The following GRIK4 variants were observed in gnomAD, a reference collection of about 807,000 sequenced individuals.
The protein encoded by GRIK4 is glutamate ionotropic receptor kainate type subunit 4.
A neutral mutation model predicts 104.9 loss-of-function variants in GRIK4; 40 were observed. That is an observed-to-expected ratio of 0.38 (90% CI 0.30 to 0.50). The LOEUF (loss-of-function observed/expected upper bound fraction) is 0.50, where lower values mean the gene tolerates loss of function less well. Ranked by LOEUF, GRIK4 falls within the 20% of genes least tolerant of loss-of-function variation. GRIK4 has a pLI of 0.93. For synonymous variants in GRIK4, 485 were observed against 524.9 expected (o/e 0.92, Z 1.04); for missense variants, 1,047 against 1,308.1 (o/e 0.80, Z 3.08).
intron 3 of GRIK4, among the ~76,000 whole-genome samples, chr11:120,718,050 A>G (rs1309046512): frequency 6.6e-6 from 1 of 152,182 alleles, no homozygotes; most frequent in Non-Finnish European, 1.5e-5. Context: ...CTGTCTAGAC[A>G]CAACACCTGA....
intron 3 of GRIK4, among the ~76,000 whole-genome samples, chr11:120,731,177 T>C (rs1281404163): frequency 6.6e-6 from 1 of 152,136 alleles, no homozygotes; most frequent in African/African-American, 2.4e-5. Context: ...TTTTCTCCCT[T>C]CAGCATGATA....
At chr11:120,944,788 C>T (rs755511540) in intron 14 of GRIK4, among the ~76,000 whole-genome samples, 6 of 152,174 alleles carry the variant, frequency 3.9e-5, no homozygotes, top group Non-Finnish European at 8.8e-5. Flanking sequence ...TGGGTTTATT[C>T]CCAGCTTTTA....
intron 3 of GRIK4, among the ~76,000 whole-genome samples, chr11:120,792,551 A>G (rs939741405): frequency 1.3e-5 from 2 of 152,112 alleles, no homozygotes; most frequent in South Asian, 2.1e-4. Context: ...AGTCGTTGAG[A>G]TGAAAGGACC....
intron 13 of GRIK4, among the ~76,000 whole-genome samples, chr11:120,937,683 G>C (rs948895136): frequency 1.3e-5 from 2 of 152,206 alleles, no homozygotes; most frequent in Admixed American, 6.5e-5. Flanking sequence ...TGAGTAGACA[G>C]AAATGCTCTG....
At position 120,974,539 on chromosome 11, in the gene GRIK4, T is replaced by C. The variant is rs550050304; in HGVS notation, c.2395+7216T>C. Among the ~76,000 whole-genome samples the C allele has an allele frequency of 2.6e-5, 4 of 152,336 alleles. No individual in the cohort carries two copies. In the East Asian group the frequency reaches 5.8e-4, roughly 22 times the overall value. ...TTCTACTTTGTTATCCTATTAAAAT[T>C]CGAGAAATTTCAAAGAAAAGGAACT... On this transcript the variant is annotated intron_variant, in intron 19 of 20. Transcript: ENST00000527524.
At chr11:120,977,146 C>T (rs1944574728) in intron 19 of GRIK4, among the ~76,000 whole-genome samples, 1 of 152,190 alleles carries the variant, frequency 6.6e-6, no homozygotes, top group East Asian at 1.9e-4. Flanking sequence ...AGTATTTAGC[C>T]AACCAGGAGT....
At chr11:120,753,928 A>C (rs920613199) in intron 3 of GRIK4, among the ~76,000 whole-genome samples, 1 of 152,182 alleles carries the variant, frequency 6.6e-6, no homozygotes, top group East Asian at 1.9e-4. Flanking sequence ...CACCCCAAGA[A>C]GAAAGCCCAT....
At chr11:120,792,462 G>T (rs1439906135) in intron 3 of GRIK4, among the ~76,000 whole-genome samples, 1 of 152,074 alleles carries the variant, frequency 6.6e-6, no homozygotes. Flanking sequence ...GAGAGGGTGT[G>T]GTTGAGGAGC....
intron 1 of GRIK4, among the ~76,000 whole-genome samples, chr11:120,583,837 A>G (rs1948621248): frequency 1.3e-5 from 2 of 152,350 alleles, no homozygotes; most frequent in Non-Finnish European, 2.9e-5. Context: ...GAGTCTTTCT[A>G]TTCATGAACA....
intron 8 of GRIK4, among the ~76,000 whole-genome samples, chr11:120,854,978 G>T (rs1437676446): frequency 6.6e-6 from 1 of 152,130 alleles, no homozygotes; most frequent in Non-Finnish European, 1.5e-5. Context: ...CTCTCTCCAG[G>T]ACAGTTATTC....
intron 3 of GRIK4, among the ~76,000 whole-genome samples, chr11:120,797,752 C>T (rs1197835538): frequency 6.6e-6 from 1 of 152,172 alleles, no homozygotes; most frequent in African/African-American, 2.4e-5. Context: ...TTGGCAATGA[C>T]CTGCCTAATA....
rs1039143944 is a variant in GRIK4 at position 120,967,123 on chromosome 11, G to A, written c.2267-72G>A. 86 of 1,517,416 alleles carry A rather than the reference G, an allele frequency of 5.7e-5. No homozygotes were observed. In the Admixed American group the frequency reaches 1.3e-3, roughly 22 times the overall value. 94.0% of individuals were successfully genotyped at this position (1,517,416 alleles called of 1,614,324 possible). On this transcript the variant is annotated intron_variant, in intron 18 of 20. Coordinates refer to ENST00000527524, the MANE Select transcript of GRIK4 (RefSeq NM_014619.5). This position sits in a 1 kb window ranked among gnomAD's most constrained non-coding sequence, Gnocchi z 4.2. ...GGCAGGGTGGCCAGGAGGTGTGCCG[G>A]GAAGGGGAGCAGAGTGACACCTAAC...
Position 120,629,884 on chromosome 11 carries a change from T to A in GRIK4, c.-158-23801T>A, listed in dbSNP as rs1458925064. 2.6e-5 allele frequency among the ~76,000 whole-genome samples: 4 copies of A among 152,182 alleles called. No individual in the cohort carries two copies. In the East Asian group the frequency reaches 7.7e-4, roughly 29 times the overall value. ...TTTTGTCTGCACCAGGGCAGGGGCC[T>A]CTCTGCTGACGGGGCCTGTCCCAGC... On this transcript the variant is annotated intron_variant, in intron 1 of 20. Transcript: ENST00000527524.
chr11:120,979,421 G>A (rs980702427), intron 19 of GRIK4, among the ~76,000 whole-genome samples: 4 of 152,092 alleles, frequency 2.6e-5, no homozygotes, highest in African/African-American at 9.7e-5. Flanking sequence ...ATTTTTAAAT[G>A]CATTTAACAT....
intron 19 of GRIK4, among the ~76,000 whole-genome samples, chr11:120,975,776 G>A (rs374998542): frequency 2.0e-5 from 3 of 152,234 alleles, no homozygotes; most frequent in East Asian, 1.9e-4. Flanking sequence ...AGTGGATGCC[G>A]AGTGACTGGG....
intron 3 of GRIK4, among the ~76,000 whole-genome samples, chr11:120,771,532 C>A (rs1181047764): frequency 1.3e-5 from 2 of 152,140 alleles, no homozygotes; most frequent in African/African-American, 4.8e-5. Context: ...AACTTACAAT[C>A]AAAGGGAAAG....
In GRIK4 at chr11:120,940,534, A is replaced by T; in HGVS notation, c.1590+74A>T. 1 of 810,256 alleles carries T rather than the reference A, an allele frequency of 1.2e-6. No individual in the cohort carries two copies. Among genetic ancestry groups the T allele is most frequent in the Non-Finnish European group, 2.1e-6 (1 of 483,304 alleles). 50.2% of individuals were successfully genotyped at this position (810,256 alleles called of 1,614,324 possible). A position where few individuals can be genotyped will look rare whatever the true frequency, so the allele number is the denominator to read the frequency against. ...GCAAACACTGAGTTATACGGGAATAATGAATGACTCATGGAAATATTTAGA... is the reference window on the plus strand; with the variant it reads ...GCAAACACTGAGTTATACGGGAATATTGAATGACTCATGGAAATATTTAGA... On this transcript the variant is annotated intron_variant, in intron 14 of 20. Transcript: ENST00000527524. This position sits in a 1 kb window ranked among gnomAD's most constrained non-coding sequence, Gnocchi z 4.3.
In GRIK4 at chr11:120,692,544, G is replaced by A. The variant is rs138021316; in HGVS notation, c.82+32144G>A. Among the ~76,000 whole-genome samples the A allele has an allele frequency of 9.2e-5, 14 of 152,274 alleles. No individual in the cohort carries two copies. In the East Asian group the frequency reaches 2.7e-3, roughly 29 times the overall value. On this transcript the variant is annotated intron_variant, in intron 3 of 20. Transcript: ENST00000527524. ...ACATCCCAGAACAGGAGCGGTGGAG[G>A]CAGAAGTGGTTTTTGAGAGACACGT...
intron 1 of GRIK4, among the ~76,000 whole-genome samples, chr11:120,641,765 C>T (rs998595352): frequency 6.6e-6 from 1 of 152,192 alleles, no homozygotes; most frequent in Non-Finnish European, 1.5e-5. Flanking sequence ...TCTTTGTGAT[C>T]TGTATCTTGT....
Sources: allele counts gnomAD v4.1 joint callset (sites outside exome capture counted in the v4.1 genomes callset), GRCh38; gene constraint gnomAD v4.1.1; non-coding constraint Gnocchi (gnomAD v3.1); transcripts MANE v1.5; gene names NCBI Gene and HGNC (gene_info 2026-07-23, HGNC 2026-07-21).